Variants in STXBP5L observed in about 807,000 individuals in gnomAD.
STXBP5L encodes the protein syntaxin-binding protein 5-like.
Under a neutral mutation model 144.5 loss-of-function variants are expected in STXBP5L, and 65 were observed. The observed-to-expected ratio is 0.45, with a 90% CI of 0.37 to 0.55. The LOEUF (loss-of-function observed/expected upper bound fraction) is 0.55. Among genes scored for constraint, STXBP5L ranks in the 20% least tolerant of loss-of-function variants. The pLI is 0.00. For missense variants in STXBP5L, 1,298 were observed against 1,405.5 expected (o/e 0.92, Z 1.22); for synonymous variants, 505 against 469.6 (o/e 1.08, Z -0.97).
intron 20 of STXBP5L, among the ~76,000 whole-genome samples, chr3:121,334,943 A>T (rs1186885807): frequency 2.0e-5 from 3 of 152,220 alleles, no homozygotes; most frequent in African/African-American, 7.2e-5. Context: ...GAGTATTGGA[A>T]GCCCTGGCAA....
intron 3 of STXBP5L, 129 bp from the exon 4 acceptor site, chr3:121,041,571 T>A (rs1240644224): frequency 1.2e-5 from 8 of 650,026 alleles, no homozygotes; most frequent in Non-Finnish European, 1.9e-5. Context: ...AAGAGTAAGA[T>A]TTTTCAACTA....
chr3:121,360,411 TAA>T (rs2045676420), intron 20 of STXBP5L, among the ~76,000 whole-genome samples: 1 of 149,596 alleles, frequency 6.7e-6, no homozygotes, highest in Non-Finnish European at 1.5e-5. Context: ...TAATTCTTGG[TAA>T]GTAAGGACTT....
chr3:121,406,691 C>T (rs1052861188), intron 22 of STXBP5L, among the ~76,000 whole-genome samples: 3 of 151,724 alleles, frequency 2.0e-5, no homozygotes, highest in Non-Finnish European at 4.4e-5. Flanking sequence ...AAATTGCCAC[C>T]GTGAATTCCA....
intron 9 of STXBP5L, among the ~76,000 whole-genome samples, chr3:121,203,575 G>A (rs2048222146): frequency 6.6e-6 from 1 of 152,058 alleles, no homozygotes; most frequent in Non-Finnish European, 1.5e-5. Flanking sequence ...ATTTAATCAT[G>A]TTTCAATTAG....
chr3:121,006,264 A>T (rs974518171), intron 3 of STXBP5L, among the ~76,000 whole-genome samples: 2 of 152,196 alleles, frequency 1.3e-5, no homozygotes, highest in African/African-American at 4.8e-5. Context: ...TATTTAGGAT[A>T]GTTAGCTCTT....
intron 5 of STXBP5L, among the ~76,000 whole-genome samples, chr3:121,060,852 T>C (rs2041239086): frequency 1.3e-5 from 2 of 152,190 alleles, no homozygotes; most frequent in Admixed American, 6.5e-5. Context: ...ATCTATTTGA[T>C]TCTTTTCTCT....
intron 14 of STXBP5L, among the ~76,000 whole-genome samples, chr3:121,243,716 G>T (rs768293172): frequency 6.6e-6 from 1 of 151,984 alleles, no homozygotes; most frequent in Non-Finnish European, 1.5e-5. Flanking sequence ...GGAAATAAAA[G>T]ACATCATTCT....
Position 120,946,657 on chromosome 3 carries a change from G to T in STXBP5L, c.190-8283G>T, listed in dbSNP as rs946859487. On this transcript the variant is annotated intron_variant, in intron 2 of 26. Coordinates refer to ENST00000471454, the MANE Select transcript of STXBP5L (RefSeq NM_001308330.2). ...GCCACATTATGACAGTATTAAGCCT[G>T]AACAATCAGGCCTAATATAAATTCT... Among the ~76,000 whole-genome samples the T allele has an allele frequency of 2.0e-5, 3 of 151,774 alleles. No homozygotes were observed. The East Asian group carries it at 5.8e-4, about 29-fold the overall frequency.
chr3:121,010,095 C>G (rs773987658), intron 3 of STXBP5L, among the ~76,000 whole-genome samples: 3 of 151,868 alleles, frequency 2.0e-5, no homozygotes, highest in Non-Finnish European at 2.9e-5. Context: ...TGATTCATAT[C>G]ATTTTTGGAG....
At chr3:121,359,908 C>G (rs1275632174) in intron 20 of STXBP5L, among the ~76,000 whole-genome samples, 1 of 140,834 alleles carries the variant, frequency 7.1e-6, no homozygotes, top group East Asian at 2.1e-4. Context: ...TGTGATTCCT[C>G]CAGTTTGGTT....
In STXBP5L at chr3:121,407,660, C is replaced by A. The variant is rs1298619221; in HGVS notation, c.2948+57C>A. ...CACAACAATACCAGCAAGGTACAATCCTAAAAAATATATGTGTTATGTGCA... is the reference window on the plus strand; with the variant it reads ...CACAACAATACCAGCAAGGTACAATACTAAAAAATATATGTGTTATGTGCA... On this transcript the variant is annotated intron_variant, in intron 23 of 26. Transcript: ENST00000471454. 9.4e-6 allele frequency: 15 copies of A among 1,601,954 alleles called. No homozygotes were observed. The East Asian group carries it at 2.9e-4, about 31-fold the overall frequency.
At chr3:120,966,261 C>T (rs1939560531) in intron 3 of STXBP5L, among the ~76,000 whole-genome samples, 2 of 152,124 alleles carry the variant, frequency 1.3e-5, no homozygotes, top group African/African-American at 4.8e-5. Flanking sequence ...TTATTACTGA[C>T]CTTCCGAAGC....
intron 2 of STXBP5L, among the ~76,000 whole-genome samples, chr3:120,949,310 T>C (rs1711051459): frequency 6.6e-6 from 1 of 152,128 alleles, no homozygotes; most frequent in East Asian, 1.9e-4. Flanking sequence ...AGATTCTGGA[T>C]ATTAGTTGTT....
At chr3:121,017,806 A>G (rs1461312715) in intron 3 of STXBP5L, among the ~76,000 whole-genome samples, 1 of 152,146 alleles carries the variant, frequency 6.6e-6, no homozygotes, top group Non-Finnish European at 1.5e-5. Context: ...GGTGAAGGTG[A>G]TGGTTCATGG....
At chr3:121,147,238 G>A (rs1011513194) in intron 7 of STXBP5L, among the ~76,000 whole-genome samples, 1 of 151,898 alleles carries the variant, frequency 6.6e-6, no homozygotes. Context: ...AATTTCAGAG[G>A]ATTAAAATAA....
In STXBP5L at chr3:121,222,997, A is replaced by T. The variant is rs11707051; in HGVS notation, c.957-6A>T. 208 of 1,590,426 alleles carry T rather than the reference A, an allele frequency of 1.3e-4. No homozygotes were observed. Among genetic ancestry groups the T allele is most frequent in the Non-Finnish European group, 1.7e-4 (195 of 1,172,424 alleles). Reference sequence around the variant, plus strand: ...CTGAGTCTCATTCATGTTTTTTCCTATGTAGCGAACCATTCATAATATTCT... The same window carrying T: ...CTGAGTCTCATTCATGTTTTTTCCTTTGTAGCGAACCATTCATAATATTCT... On this transcript the variant is annotated splice_polypyrimidine_tract_variant and splice_region_variant and intron_variant, in intron 10 of 26. Coordinates refer to ENST00000471454, the MANE Select transcript of STXBP5L (RefSeq NM_001308330.2).
intron 3 of STXBP5L, among the ~76,000 whole-genome samples, chr3:120,983,726 C>T (rs1238247517): frequency 6.6e-6 from 1 of 152,128 alleles, no homozygotes; most frequent in Non-Finnish European, 1.5e-5. Context: ...CTTTTCCCCA[C>T]ATCAGGGAGC....
chr3:121,196,804 G>T (rs1045772805), intron 9 of STXBP5L, among the ~76,000 whole-genome samples: 9 of 151,578 alleles, frequency 5.9e-5, no homozygotes, highest in Non-Finnish European at 1.3e-4. Flanking sequence ...CAAGTAGTTG[G>T]GACTACAGGC....
chr3:121,384,034 G>A (rs571148959), intron 22 of STXBP5L, among the ~76,000 whole-genome samples: 18 of 151,920 alleles, frequency 1.2e-4, no homozygotes, highest in Non-Finnish European at 2.5e-4. Context: ...TTTGTTAGTC[G>A]GCCTAGGAAA....
Sources: allele counts gnomAD v4.1 joint callset (sites outside exome capture counted in the v4.1 genomes callset), GRCh38; gene constraint gnomAD v4.1.1; transcripts MANE v1.5; gene names NCBI Gene and HGNC (gene_info 2026-07-23, HGNC 2026-07-21).